Variants in COL11A1 observed in about 807,000 individuals in gnomAD.
COL11A1 encodes collagen type XI alpha 1 chain.
COL11A1 carries 74 observed loss-of-function variants against 265.2 expected under a neutral mutation model. That is an observed-to-expected ratio of 0.28 (90% CI 0.23 to 0.34). The LOEUF (loss-of-function observed/expected upper bound fraction) is 0.34, where lower values mean the gene tolerates loss of function less well. Ranked by LOEUF, COL11A1 falls within the 10% of genes least tolerant of loss-of-function variation. The pLI is 1.00. For missense variants in COL11A1, 2,165 were observed against 2,263.6 expected (o/e 0.96, Z 0.88); for synonymous variants, 816 against 727.6 (o/e 1.12, Z -1.96).
chr1:103,021,777 A>G lies in COL11A1; in HGVS notation c.1246-8T>C, dbSNP rs370703988. The G allele has an allele frequency of 4.2e-5, 67 of 1,598,058 alleles. No homozygotes were observed. Among genetic ancestry groups the G allele is most frequent in the Non-Finnish European group, 5.2e-5 (61 of 1,165,644 alleles). On this transcript the variant is annotated splice_polypyrimidine_tract_variant and splice_region_variant and intron_variant, in intron 8 of 66. Coordinates refer to ENST00000370096, the MANE Select transcript of COL11A1 (RefSeq NM_001854.4). ...TGCACCATGGCCATTTATCTGTTGA[A>G]TGAAATATTCAAAACAGCCTAAATG...
chr1:103,064,533 C>A (rs1042057801), intron 4 of COL11A1, among the ~76,000 whole-genome samples: 6 of 150,586 alleles, frequency 4.0e-5, no homozygotes, highest in Middle Eastern at 3.2e-3. Context: ...ACTAAAAACA[C>A]AAAAAAAATT....
intron 24 of COL11A1, among the ~76,000 whole-genome samples, chr1:102,998,811 G>T (rs916056543): frequency 6.6e-6 from 1 of 151,764 alleles, no homozygotes; most frequent in Non-Finnish European, 1.5e-5. Context: ...AATATTTTGT[G>T]CAATGTTATG....
chr1:103,002,050 T>C, intron 23 of COL11A1, 81 bp from the exon 24 acceptor site: 1 of 1,134,300 alleles, frequency 8.8e-7, no homozygotes, highest in Non-Finnish European at 1.3e-6. Context: ...ATTAGCTCAC[T>C]ATAGTACACA....
chr1:102,913,732 A>T (rs745986912), intron 52 of COL11A1, 42 bp from the exon 53 acceptor site: 1 of 1,551,072 alleles, frequency 6.4e-7, no homozygotes, highest in Non-Finnish European at 8.9e-7. Context: ...ATATCTCAGT[A>T]TCAATAAATC....
intron 64 of COL11A1, among the ~76,000 whole-genome samples, chr1:102,882,458 C>T (rs535050498): frequency 1.3e-5 from 2 of 152,226 alleles, no homozygotes; most frequent in South Asian, 2.1e-4. Flanking sequence ...TGTTTTTTCT[C>T]CTGCCCTTAC....
chr1:103,048,377 T>C (rs1261645342), intron 4 of COL11A1, among the ~76,000 whole-genome samples: 1 of 152,252 alleles, frequency 6.6e-6, no homozygotes, highest in Non-Finnish European at 1.5e-5. Context: ...CTAGATTTTC[T>C]AGTTTATTTG....
intron 46 of COL11A1, among the ~76,000 whole-genome samples, chr1:102,927,432 T>C (rs1278623687): frequency 6.6e-6 from 1 of 152,050 alleles, no homozygotes; most frequent in Non-Finnish European, 1.5e-5. Flanking sequence ...CAAGCCAGAA[T>C]ACGGCCAGGC....
Position 103,017,879 on chromosome 1 carries a change from T to A in COL11A1, c.1354A>T (p.Ile452Phe), listed in dbSNP as rs778826691. The A allele has an allele frequency of 6.2e-7, 1 of 1,612,356 alleles. No homozygotes were observed. Among genetic ancestry groups the A allele is most frequent in the South Asian group, 1.1e-5 (1 of 91,042 alleles). Residue 452 changes from isoleucine to phenylalanine, a missense_variant, in exon 11 of 67, where the codon ATT becomes TTT. By Grantham distance (21) the Ile-to-Phe change is conservative. Transcript: ENST00000370096. ...GPPGPAGPAG[I>F]MGPPGLQGPT... ...CCTTGTAGACCTGGAGGACCCATAA[T>A]ACCCTATAGAGAAACACACCATATC...
In COL11A1 at chr1:102,957,477, C is replaced by CA. The variant is rs559709947; in HGVS notation, c.3168+4388dup. 1.7e-3 allele frequency among the ~76,000 whole-genome samples: 257 copies of CA among 152,132 alleles called. 1 individual carries two copies. Among genetic ancestry groups the CA allele is most frequent in the Middle Eastern group, 0.01 (3 of 294 alleles). On this transcript the variant is annotated intron_variant, in intron 41 of 66. Coordinates refer to ENST00000370096, the MANE Select transcript of COL11A1 (RefSeq NM_001854.4). ...ATTTCCCTAGCAATCCAGAAATACA[C>CA]AGCACAACTACATTCCTTATGAATT...
intron 1 of COL11A1, among the ~76,000 whole-genome samples, chr1:103,102,591 T>A (rs1182323224): frequency 1.3e-5 from 2 of 151,998 alleles, no homozygotes; most frequent in African/African-American, 4.8e-5. Flanking sequence ...TTCCTAATGA[T>A]CACGCCATCC....
chr1:102,879,093 A>G (rs1409832733), intron 66 of COL11A1, among the ~76,000 whole-genome samples: 1 of 152,024 alleles, frequency 6.6e-6, no homozygotes, highest in African/African-American at 2.4e-5. Flanking sequence ...TACAATTGTG[A>G]CTTCTCTTCA....
intron 54 of COL11A1, among the ~76,000 whole-genome samples, chr1:102,908,057 T>A (rs1482884158): frequency 1.3e-5 from 2 of 152,104 alleles, no homozygotes; most frequent in East Asian, 3.8e-4. Flanking sequence ...TTTGAAAACA[T>A]TCTTCCCAAT....
At chr1:103,044,780 CA>C (rs1191266913) in intron 4 of COL11A1, among the ~76,000 whole-genome samples, 33 of 152,052 alleles carry the variant, frequency 2.2e-4, no homozygotes, top group Admixed American at 9.8e-4. Flanking sequence ...TTTGTGGACA[CA>C]GCACAAAGCT....
At chr1:102,991,889 A>T (rs1004673657) in intron 28 of COL11A1, among the ~76,000 whole-genome samples, 3 of 149,334 alleles carry the variant, frequency 2.0e-5, no homozygotes, top group African/African-American at 7.4e-5. Context: ...CCTGCCCAGG[A>T]TGCTCTCTGT....
chr1:102,995,501 A>T (rs1351889170), intron 28 of COL11A1, among the ~76,000 whole-genome samples: 1 of 152,194 alleles, frequency 6.6e-6, no homozygotes, highest in South Asian at 2.1e-4. Context: ...TAGGGAAAAA[A>T]GGAATAAATA....
chr1:102,946,361 G>T (rs1421088823), intron 42 of COL11A1, among the ~76,000 whole-genome samples: 3 of 151,836 alleles, frequency 2.0e-5, no homozygotes, highest in African/African-American at 4.8e-5. Context: ...AAATCCAATA[G>T]ATATTAGATG....
At chr1:103,093,307 AACAGGAG>A (rs1303238400) in intron 1 of COL11A1, among the ~76,000 whole-genome samples, 2 of 152,102 alleles carry the variant, frequency 1.3e-5, no homozygotes, top group Admixed American at 1.3e-4. Flanking sequence ...ATGTCAAGAT[AACAGGAG>A]AAGCACCTTT....
At chr1:103,028,145 T>C (rs7523020) in intron 5 of COL11A1, among the ~76,000 whole-genome samples, 142,190 of 152,156 alleles carry the variant, frequency 0.93, 66,690 homozygotes, top group East Asian at 1. Context: ...ATTCTCTTGC[T>C]TCAGCCTCCT....
chr1:102,986,316 A>G (rs1318974101), intron 30 of COL11A1, among the ~76,000 whole-genome samples: 4 of 150,914 alleles, frequency 2.7e-5, no homozygotes. Flanking sequence ...CGCAAGGACA[A>G]AAAACCAAGC....
Sources: gnomAD v4.1 joint callset for allele counts (sites outside exome capture counted in the v4.1 genomes callset) on GRCh38, gnomAD v4.1.1 for gene constraint, MANE v1.5 for transcripts, NCBI Gene and HGNC (gene_info 2026-07-23, HGNC 2026-07-21) for gene names.